The following FOXO1 variants were observed in gnomAD, a reference collection of about 807,000 sequenced individuals.
FOXO1 encodes forkhead box O1.
In FOXO1, 6 loss-of-function variants were observed where a neutral mutation model predicts 44.1. The observed-to-expected ratio is 0.14, with a 90% CI of 0.07 to 0.27. The LOEUF (loss-of-function observed/expected upper bound fraction) is 0.27. FOXO1 is among the 10% of genes least tolerant of loss of function. The pLI is 1.00. For missense variants in FOXO1, 737 were observed against 888.8 expected (o/e 0.83, Z 2.17); for synonymous variants, 380 against 362.7 (o/e 1.05, Z -0.54).
intron 1 of FOXO1, among the ~76,000 whole-genome samples, chr13:40,664,753 C>T (rs1878163676): frequency 6.6e-6 from 1 of 152,072 alleles, no homozygotes; most frequent in Non-Finnish European, 1.5e-5. Flanking sequence ...GGCGCCCGGC[C>T]CCGACGCGCT....
chr13:40,598,777 C>CTTCA (rs1043253042), intron 1 of FOXO1, among the ~76,000 whole-genome samples: 4 of 152,220 alleles, frequency 2.6e-5, no homozygotes, highest in African/African-American at 9.6e-5. Flanking sequence ...GGACCTTGGG[C>CTTCA]TTCAGCCCAG....
intron 1 of FOXO1, among the ~76,000 whole-genome samples, chr13:40,621,605 T>G (rs1366778338): frequency 6.6e-6 from 1 of 152,336 alleles, no homozygotes; most frequent in South Asian, 2.1e-4. Context: ...AATGTTTTTA[T>G]TTTGGTAATT....
intron 1 of FOXO1, among the ~76,000 whole-genome samples, chr13:40,651,489 TA>T (rs1478706029): frequency 2.6e-5 from 4 of 151,482 alleles, no homozygotes; most frequent in African/African-American, 9.7e-5. Flanking sequence ...TTAACCCTGA[TA>T]AATTTCCTTA....
chr13:40,650,222 C>T (rs1877635621), intron 1 of FOXO1, among the ~76,000 whole-genome samples: 2 of 152,286 alleles, frequency 1.3e-5, no homozygotes, highest in Non-Finnish European at 2.9e-5. Context: ...GGGAGTGTGG[C>T]AGTGAGAACA....
intron 1 of FOXO1, among the ~76,000 whole-genome samples, chr13:40,586,185 A>T (rs899192087): frequency 6.6e-6 from 1 of 152,218 alleles, no homozygotes; most frequent in African/African-American, 2.4e-5. Context: ...ATAATAACAA[A>T]ACAGTCTTAC....
intron 1 of FOXO1, among the ~76,000 whole-genome samples, chr13:40,601,538 T>C (rs1166405776): frequency 1.3e-5 from 2 of 152,224 alleles, no homozygotes; most frequent in Admixed American, 1.3e-4. Context: ...AAATTATACA[T>C]ACAGATTTAA....
chr13:40,622,571 T>C (rs948209169), intron 1 of FOXO1, among the ~76,000 whole-genome samples: 1 of 152,110 alleles, frequency 6.6e-6, no homozygotes, highest in African/African-American at 2.4e-5. Flanking sequence ...CAAATCTGTC[T>C]TTCCCAAGCC....
intron 1 of FOXO1, among the ~76,000 whole-genome samples, chr13:40,577,617 T>C (rs544639878): frequency 2.4e-4 from 36 of 152,332 alleles, no homozygotes; most frequent in African/African-American, 7.7e-4. Context: ...TCCTATTTCA[T>C]AGCACTTCTT....
At chr13:40,578,773 C>T (rs1223534771) in intron 1 of FOXO1, among the ~76,000 whole-genome samples, 1 of 152,160 alleles carries the variant, frequency 6.6e-6, no homozygotes, top group Non-Finnish European at 1.5e-5. Flanking sequence ...TTTTTAGAGC[C>T]TTGAGTACAC....
In FOXO1 at chr13:40,558,858, C is replaced by T. The variant is rs576754289; in HGVS notation, c.*191G>A. 6 of 398,240 alleles carry T rather than the reference C, an allele frequency of 1.5e-5. No homozygotes were observed. The South Asian group carries it at 7.7e-4, about 51-fold the overall frequency. The allele number at this position is 398,240 out of a possible 1,614,324, so 24.7% of individuals were successfully genotyped here. A position where few individuals can be genotyped will look rare whatever the true frequency, so the allele number is the denominator to read the frequency against. On this transcript the variant is annotated 3_prime_UTR_variant, in exon 3 of 3. Transcript: ENST00000379561. ...ACATAACCTGCACACATTGGGCAAA[C>T]ATCCTGTACAGGAAAAATGTCTTTG...
intron 1 of FOXO1, among the ~76,000 whole-genome samples, chr13:40,566,506 G>A (rs1012416053): frequency 1.3e-5 from 2 of 151,880 alleles, no homozygotes; most frequent in Non-Finnish European, 2.9e-5. Flanking sequence ...AGCCTCCTGA[G>A]TAGCTGGGAT....
At chr13:40,584,282 A>T (rs1875066271) in intron 1 of FOXO1, among the ~76,000 whole-genome samples, 1 of 151,876 alleles carries the variant, frequency 6.6e-6, no homozygotes, top group Non-Finnish European at 1.5e-5. Context: ...TTGCTCACCC[A>T]TCTCAAAACT....
chr13:40,581,736 G>A (rs1484595656), intron 1 of FOXO1, among the ~76,000 whole-genome samples: 1 of 152,150 alleles, frequency 6.6e-6, no homozygotes, highest in Non-Finnish European at 1.5e-5. Context: ...TAAGTATGGG[G>A]CCATATCTGG....
In FOXO1 at chr13:40,590,184, T is replaced by C. The variant is rs140751574; in HGVS notation, c.631-29324A>G. Among the ~76,000 whole-genome samples, 275 of 152,248 alleles carry C rather than the reference T, an allele frequency of 1.8e-3. 1 individual carries two copies. Among genetic ancestry groups the C allele is most frequent in the African/African-American group, 6.1e-3 (252 of 41,540 alleles). ...CTGTCCAAGAATGACTATTCTGGCA[T>C]AGTGACGCAAAGAAAAGCCATTCAG... On this transcript the variant is annotated intron_variant, in intron 1 of 2. Coordinates refer to ENST00000379561, the MANE Select transcript of FOXO1 (RefSeq NM_002015.4).
intron 1 of FOXO1, among the ~76,000 whole-genome samples, chr13:40,596,933 C>A (rs1382900315): frequency 2.0e-5 from 3 of 152,264 alleles, no homozygotes; most frequent in Non-Finnish European, 4.4e-5. Flanking sequence ...CTCATTCTGT[C>A]AAAAGACAGC....
intron 1 of FOXO1, among the ~76,000 whole-genome samples, chr13:40,625,658 TAA>T (rs35880404): frequency 0.19 from 27,178 of 146,900 alleles, 2,592 homozygotes; most frequent in South Asian, 0.32. Context: ...GCTTTCACTT[TAA>T]AAAAAAAAAA....
At chr13:40,597,760 G>T (rs374243649) in intron 1 of FOXO1, among the ~76,000 whole-genome samples, 1 of 152,180 alleles carries the variant, frequency 6.6e-6, no homozygotes, top group African/African-American at 2.4e-5. Context: ...CAGGGTGAAG[G>T]CGCCTCTCTC....
intron 1 of FOXO1, among the ~76,000 whole-genome samples, chr13:40,639,089 G>A (rs1443381535): frequency 6.6e-6 from 1 of 152,156 alleles, no homozygotes; most frequent in Non-Finnish European, 1.5e-5. Context: ...AGCTACTTGG[G>A]AGGCTGAGGC....
At chr13:40,593,103 A>AGCCT (rs1875444922) in intron 1 of FOXO1, among the ~76,000 whole-genome samples, 1 of 152,100 alleles carries the variant, frequency 6.6e-6, no homozygotes, top group South Asian at 2.1e-4. Context: ...TGCTTACTGC[A>AGCCT]GCCTCAAACT....
Sources: allele counts gnomAD v4.1 joint callset (sites outside exome capture counted in the v4.1 genomes callset), GRCh38; gene constraint gnomAD v4.1.1; transcripts MANE v1.5; gene names NCBI Gene and HGNC (gene_info 2026-07-23, HGNC 2026-07-21).